The following CPNE8 variants were observed in gnomAD, a reference collection of about 807,000 sequenced individuals.
CPNE8 encodes copine 8.
Under a neutral mutation model 81.5 loss-of-function variants are expected in CPNE8, and 45 were observed. The ratio of observed to expected loss-of-function variants is 0.55; its 90% confidence interval spans 0.44 to 0.71. The LOEUF is 0.71. Among genes scored for constraint, CPNE8 ranks in the 30% least tolerant of loss-of-function variants. The pLI, the probability that CPNE8 is intolerant of heterozygous loss-of-function variation, is 0.00. For missense variants in CPNE8, 594 were observed against 672.1 expected, an observed-to-expected ratio of 0.88 and a Z score of 1.28; for synonymous variants, 252 against 226.3, an observed-to-expected ratio of 1.11 and a Z score of -1.02.
chr12:38,680,345 A>C (rs948769991), intron 16 of CPNE8, among the ~76,000 whole-genome samples: 2 of 152,018 alleles, frequency 1.3e-5, no homozygotes, highest in African/African-American at 4.8e-5. Flanking sequence ...AAAACTTCTT[A>C]ACAATGAATA....
intron 19 of CPNE8, among the ~76,000 whole-genome samples, chr12:38,662,281 C>T (rs532833130): frequency 1.8e-4 from 27 of 152,100 alleles, no homozygotes; most frequent in Admixed American, 1.2e-3. Flanking sequence ...ATACAACTGT[C>T]GGAACTAATA....
chr12:38,825,486 T>C (rs1046378092), intron 6 of CPNE8, among the ~76,000 whole-genome samples: 1 of 152,254 alleles, frequency 6.6e-6, no homozygotes, highest in African/African-American at 2.4e-5. Context: ...TTGGCATTAT[T>C]CGCAGATAAA....
At chr12:38,859,639 A>T (rs181017083) in intron 3 of CPNE8, among the ~76,000 whole-genome samples, 21 of 152,270 alleles carry the variant, frequency 1.4e-4, no homozygotes, top group African/African-American at 4.8e-4. Context: ...AAAAGAACAA[A>T]GCTCCAGGTA....
chr12:38,666,025 C>T (rs1265197653), intron 19 of CPNE8, among the ~76,000 whole-genome samples: 2 of 152,128 alleles, frequency 1.3e-5, no homozygotes, highest in Non-Finnish European at 2.9e-5. Flanking sequence ...GTTGGGAGGT[C>T]TTCTGCTAGG....
chr12:38,669,035 CA>C (rs1939118103), intron 19 of CPNE8, among the ~76,000 whole-genome samples: 1 of 142,256 alleles, frequency 7.0e-6, no homozygotes, highest in Non-Finnish European at 1.6e-5. Flanking sequence ...GCCTGGGCAA[CA>C]GCGAGACTCT....
chr12:38,790,297 A>G (rs770044188), intron 6 of CPNE8, among the ~76,000 whole-genome samples: 13 of 151,816 alleles, frequency 8.6e-5, no homozygotes, highest in Non-Finnish European at 1.8e-4. Context: ...AACAATATGG[A>G]TGGAACTGAA....
intron 6 of CPNE8, among the ~76,000 whole-genome samples, chr12:38,817,596 G>A (rs1179301691): frequency 7.3e-6 from 1 of 136,146 alleles, no homozygotes; most frequent in Non-Finnish European, 1.6e-5. Context: ...TTCGTTTAAA[G>A]TTACACATTA....
intron 3 of CPNE8, among the ~76,000 whole-genome samples, chr12:38,863,743 G>A (rs1943873975): frequency 6.6e-6 from 1 of 152,236 alleles, no homozygotes; most frequent in Non-Finnish European, 1.5e-5. Flanking sequence ...TTTTACCCAT[G>A]GGATCAAGAA....
chr12:38,697,338 G>A (rs942452913), intron 14 of CPNE8, among the ~76,000 whole-genome samples: 1 of 152,096 alleles, frequency 6.6e-6, no homozygotes, highest in African/African-American at 2.4e-5. Flanking sequence ...CTTATAGCCT[G>A]CATGTATTAG....
At position 38,753,017 on chromosome 12, in the gene CPNE8, A is replaced by T. The variant is rs1592061439; in HGVS notation, c.722+7830T>A. 3.3e-5 allele frequency among the ~76,000 whole-genome samples: 5 copies of T among 152,330 alleles called. 1 individual carries two copies. The South Asian group carries it at 1.0e-3, about 32-fold the overall frequency. On this transcript the variant is annotated intron_variant, in intron 10 of 19. Coordinates refer to ENST00000331366, the MANE Select transcript of CPNE8 (RefSeq NM_153634.3). ...CCTGCAAATTGTGAAAACAAGACTA[A>T]GAAAATGACATCTAAATTAATTACT...
intron 9 of CPNE8, 148 bp downstream of exon 9, chr12:38,761,964 A>G (rs1277811402): frequency 2.2e-6 from 1 of 454,314 alleles, no homozygotes; most frequent in Non-Finnish European, 3.9e-6. Context: ...TAAAGCAAAT[A>G]TGCAACGTAT....
At chr12:38,858,787 C>T (rs1049640698) in intron 3 of CPNE8, among the ~76,000 whole-genome samples, 1 of 151,966 alleles carries the variant, frequency 6.6e-6, no homozygotes, top group Non-Finnish European at 1.5e-5. Flanking sequence ...GATTTTTTTT[C>T]CTGTGATACA....
At chr12:38,791,463 G>A (rs1049056966) in intron 6 of CPNE8, among the ~76,000 whole-genome samples, 1 of 151,068 alleles carries the variant, frequency 6.6e-6, no homozygotes, top group Admixed American at 6.6e-5. Flanking sequence ...AAACTTATTG[G>A]TTGAAAAAAA....
chr12:38,762,016 C>G, intron 9 of CPNE8, 96 bp downstream of exon 9: 1 of 531,926 alleles, frequency 1.9e-6, no homozygotes, highest in East Asian at 3.4e-5. Context: ...ATAAGTTTAA[C>G]CAAATTTTAA....
chr12:38,839,156 G>T (rs971250215), intron 5 of CPNE8, among the ~76,000 whole-genome samples: 2 of 152,104 alleles, frequency 1.3e-5, no homozygotes, highest in Non-Finnish European at 2.9e-5. Context: ...CCCTCATTCA[G>T]CCCTTCCTAC....
rs555656454 is a variant in CPNE8, at chr12:38,811,121, G to A, written c.407+18258C>T. On this transcript the variant is annotated intron_variant, in intron 6 of 19. Coordinates refer to ENST00000331366, the MANE Select transcript of CPNE8 (RefSeq NM_153634.3). ...ACACCACATAGCTAAGATCATGAGAGCCAAAATTCTTCCTTCTACCCTGCA... is the reference window on the plus strand; with the variant it reads ...ACACCACATAGCTAAGATCATGAGAACCAAAATTCTTCCTTCTACCCTGCA... 4.6e-5 allele frequency among the ~76,000 whole-genome samples: 7 copies of A among 152,092 alleles called. No individual in the cohort carries two copies. The South Asian group carries it at 6.2e-4, about 14-fold the overall frequency.
At chr12:38,797,941 G>C (rs1183201961) in intron 6 of CPNE8, among the ~76,000 whole-genome samples, 1 of 152,100 alleles carries the variant, frequency 6.6e-6, no homozygotes, top group Non-Finnish European at 1.5e-5. Context: ...CTAGAAGAAA[G>C]GGTATCAGTG....
chr12:38,902,361 AAAGAAAGAAAGAAAG>A (rs1450579852), intron 1 of CPNE8, among the ~76,000 whole-genome samples: 2 of 91,366 alleles, frequency 2.2e-5, no homozygotes, highest in Admixed American at 1.1e-4. Context: ...AGAAAGAAAG[AAAGAAAGAAAGAAAG>A]AAAGAAAAGA....
chr12:38,731,772 C>T (rs1006678053), intron 10 of CPNE8, among the ~76,000 whole-genome samples: 17 of 151,888 alleles, frequency 1.1e-4, no homozygotes, highest in Admixed American at 1.1e-3. Flanking sequence ...CAAAACAGCA[C>T]TTTAGTGTTA....
Sources: gnomAD v4.1 joint callset for allele counts (sites outside exome capture counted in the v4.1 genomes callset) on GRCh38, gnomAD v4.1.1 for gene constraint, MANE v1.5 for transcripts, NCBI Gene and HGNC (gene_info 2026-07-23, HGNC 2026-07-21) for gene names.